Variants in HIBADH observed in about 807,000 individuals in gnomAD.
HIBADH encodes 3-hydroxyisobutyrate dehydrogenase.
A neutral mutation model predicts 36.1 loss-of-function variants in HIBADH; 25 were observed. The ratio of observed to expected loss-of-function variants is 0.69; its 90% CI spans 0.50 to 0.97. The LOEUF (loss-of-function observed/expected upper bound fraction) is 0.97. Among genes scored for constraint, HIBADH ranks in the 50% least tolerant of loss-of-function variants. The pLI, the probability that HIBADH is intolerant of heterozygous loss-of-function variation, is 0.00. For synonymous variants in HIBADH, 160 were observed against 149.5 expected (o/e 1.07, Z -0.51); for missense variants, 421 against 418.0 (o/e 1.01, Z -0.06).
chr7:27,631,525 T>C (rs1488986722), intron 3 of HIBADH, among the ~76,000 whole-genome samples: 1 of 152,092 alleles, frequency 6.6e-6, no homozygotes, highest in African/African-American at 2.4e-5. Context: ...AACAACAAAA[T>C]AAGTTAGGAA....
At chr7:27,637,884 G>A (rs1005079736) in intron 2 of HIBADH, among the ~76,000 whole-genome samples, 1 of 152,102 alleles carries the variant, frequency 6.6e-6, no homozygotes, top group Non-Finnish European at 1.5e-5. Flanking sequence ...AACCAGAGAG[G>A]TGAAAGATCT....
chr7:27,627,675 A>G (rs1160773349), intron 4 of HIBADH, among the ~76,000 whole-genome samples: 1 of 152,212 alleles, frequency 6.6e-6, no homozygotes, highest in East Asian at 1.9e-4. Flanking sequence ...CATAATAACA[A>G]TAAGACCAAT....
intron 4 of HIBADH, among the ~76,000 whole-genome samples, chr7:27,552,906 A>T (rs1784337734): frequency 6.6e-6 from 1 of 152,244 alleles, no homozygotes; most frequent in Admixed American, 6.5e-5. Context: ...AATATTTCAT[A>T]AGCCATTGAC....
At chr7:27,662,652 G>C (rs762349056) in intron 1 of HIBADH, 46 bp downstream of exon 1, 2 of 1,167,790 alleles carry the variant, frequency 1.7e-6, no homozygotes, top group African/African-American at 3.2e-5. Context: ...CAGAAGAAGC[G>C]AGCGGCCGAA....
At chr7:27,613,304 TTA>T (rs5883096) in intron 4 of HIBADH, among the ~76,000 whole-genome samples, 105,875 of 142,514 alleles carry the variant, frequency 0.74, 39,565 homozygotes, top group East Asian at 0.94. Flanking sequence ...ACATTTTGTT[TTA>T]TATATATATA....
chr7:27,638,679 T>C (rs1785901315), intron 2 of HIBADH, among the ~76,000 whole-genome samples: 1 of 151,262 alleles, frequency 6.6e-6, no homozygotes, highest in South Asian at 2.1e-4. Flanking sequence ...TGGGAGAAAA[T>C]GTTTGCAAAC....
chr7:27,618,938 T>C lies in HIBADH; in HGVS notation c.484+10433A>G, dbSNP rs371132132. ...CAGCACCAAGGGGATGGTGTTAAACTTTCATAAGAAATCTGCCCCCGTGAC... is the reference window on the plus strand; with the variant it reads ...CAGCACCAAGGGGATGGTGTTAAACCTTCATAAGAAATCTGCCCCCGTGAC... On this transcript the variant is annotated intron_variant, in intron 4 of 7. Coordinates refer to ENST00000265395, the MANE Select transcript of HIBADH (RefSeq NM_152740.4). Among the ~76,000 whole-genome samples, 43 of 152,278 alleles carry C rather than the reference T, an allele frequency of 2.8e-4. No homozygotes were observed. The East Asian group carries it at 6.8e-3, about 24-fold the overall frequency.
At chr7:27,570,795 C>A (rs1013267831) in intron 4 of HIBADH, among the ~76,000 whole-genome samples, 1 of 103,426 alleles carries the variant, frequency 9.7e-6, no homozygotes, top group South Asian at 3.2e-4. Flanking sequence ...CTGCTTTACA[C>A]GTTTGTATTT....
intron 2 of HIBADH, among the ~76,000 whole-genome samples, chr7:27,648,166 T>C (rs1188245594): frequency 6.6e-6 from 1 of 152,216 alleles, no homozygotes; most frequent in South Asian, 2.1e-4. Context: ...TCACCATCTC[T>C]GAAGATGGTA....
At chr7:27,550,060 AC>A (rs1181511622) in intron 4 of HIBADH, among the ~76,000 whole-genome samples, 1 of 152,030 alleles carries the variant, frequency 6.6e-6, no homozygotes, top group Non-Finnish European at 1.5e-5. Context: ...GGCGCGTGCC[AC>A]CACACCTAGC....
At chr7:27,540,585 A>G (rs1784134182) in intron 5 of HIBADH, among the ~76,000 whole-genome samples, 6 of 152,348 alleles carry the variant, frequency 3.9e-5, no homozygotes, top group Admixed American at 3.3e-4. Context: ...GTTTTCCACA[A>G]TAACAATGGC....
intron 3 of HIBADH, among the ~76,000 whole-genome samples, chr7:27,630,719 A>G (rs889317523): frequency 9.2e-5 from 14 of 152,170 alleles, no homozygotes; most frequent in African/African-American, 3.4e-4. Flanking sequence ...TAGGCAACAT[A>G]GCAAGACCTC....
intron 1 of HIBADH, among the ~76,000 whole-genome samples, chr7:27,651,922 C>T (rs777790662): frequency 6.6e-6 from 1 of 152,010 alleles, no homozygotes; most frequent in Non-Finnish European, 1.5e-5. Context: ...GGATATTATA[C>T]AAGGGGTAGG....
chr7:27,646,103 G>A (rs562575223), intron 2 of HIBADH, among the ~76,000 whole-genome samples: 2 of 152,088 alleles, frequency 1.3e-5, no homozygotes, highest in African/African-American at 4.8e-5. Context: ...TTGGGGAGGT[G>A]GGCCACTATT....
chr7:27,530,504 G>T (rs1783978184), intron 7 of HIBADH, among the ~76,000 whole-genome samples: 1 of 152,070 alleles, frequency 6.6e-6, no homozygotes, highest in African/African-American at 2.4e-5. Flanking sequence ...ATCGCGCCTG[G>T]CCGTATTCTT....
At chr7:27,644,649 C>T (rs1786029149) in intron 2 of HIBADH, among the ~76,000 whole-genome samples, 1 of 150,056 alleles carries the variant, frequency 6.7e-6, no homozygotes, top group Non-Finnish European at 1.5e-5. Context: ...CCTGTAGTCA[C>T]AGCTACTCGG....
intron 2 of HIBADH, among the ~76,000 whole-genome samples, chr7:27,637,337 T>C (rs1785858191): frequency 6.6e-6 from 1 of 152,214 alleles, no homozygotes; most frequent in Admixed American, 6.5e-5. Context: ...GCATTCGCAA[T>C]TTATTGATTC....
intron 3 of HIBADH, among the ~76,000 whole-genome samples, chr7:27,631,079 C>T (rs1348581904): frequency 6.6e-6 from 1 of 152,182 alleles, no homozygotes; most frequent in Admixed American, 6.5e-5. Context: ...TTTTTAAAAA[C>T]ACTCCCTGGA....
chr7:27,590,501 T>C (rs999782419), intron 4 of HIBADH, among the ~76,000 whole-genome samples: 11 of 152,190 alleles, frequency 7.2e-5, no homozygotes, highest in Non-Finnish European at 1.2e-4. Flanking sequence ...CTTGATACTT[T>C]CAGAAGCACT....
Sources: gnomAD v4.1 joint callset for allele counts (sites outside exome capture counted in the v4.1 genomes callset) on GRCh38, gnomAD v4.1.1 for gene constraint, MANE v1.5 for transcripts, NCBI Gene and HGNC (gene_info 2026-07-23, HGNC 2026-07-21) for gene names.